The following ZSWIM5 variants were observed in gnomAD, a reference collection of about 807,000 sequenced individuals.
ZSWIM5 encodes the protein zinc finger SWIM-type containing 5.
Under a neutral mutation model 119.6 loss-of-function variants are expected in ZSWIM5, and 55 were observed. The observed-to-expected ratio is 0.46, with a 90% CI of 0.37 to 0.58. The LOEUF is 0.58. ZSWIM5 is among the 20% of genes least tolerant of loss of function. The pLI, the probability that ZSWIM5 is intolerant of heterozygous loss-of-function variation, is 0.00. For synonymous variants in ZSWIM5, 537 were observed against 606.9 expected, an observed-to-expected ratio of 0.88 and a Z score of 1.69; for missense variants, 1,193 against 1,512.8, an observed-to-expected ratio of 0.79 and a Z score of 3.51.
chr1:45,099,198 A>G (rs551940441), intron 1 of ZSWIM5, among the ~76,000 whole-genome samples: 2 of 152,322 alleles, frequency 1.3e-5, no homozygotes, highest in South Asian at 4.1e-4. Context: ...TAGACACAAT[A>G]AAGAATGATA....
intron 1 of ZSWIM5, among the ~76,000 whole-genome samples, chr1:45,150,384 A>G (rs1373321700): frequency 6.6e-6 from 1 of 152,122 alleles, no homozygotes; most frequent in Non-Finnish European, 1.5e-5. Flanking sequence ...CCCTTGTAAC[A>G]TTGCTAGTAG....
chr1:45,159,841 G>A (rs1570163589), intron 1 of ZSWIM5, among the ~76,000 whole-genome samples: 1 of 152,078 alleles, frequency 6.6e-6, no homozygotes, highest in Non-Finnish European at 1.5e-5. Context: ...TGCTCACCTT[G>A]GCCTCCCAAA....
intron 1 of ZSWIM5, among the ~76,000 whole-genome samples, chr1:45,158,978 T>C (rs915749435): frequency 1.3e-5 from 2 of 152,170 alleles, no homozygotes; most frequent in African/African-American, 4.8e-5. Context: ...ATAATTTATA[T>C]TAGGCTACCA....
intron 1 of ZSWIM5, among the ~76,000 whole-genome samples, chr1:45,116,803 A>T (rs1645561013): frequency 6.6e-6 from 1 of 152,240 alleles, no homozygotes; most frequent in Non-Finnish European, 1.5e-5. Context: ...CCGATTGGCA[A>T]CATAAAGAAT....
At chr1:45,084,607 C>T (rs1557760361) in intron 2 of ZSWIM5, among the ~76,000 whole-genome samples, 1 of 152,204 alleles carries the variant, frequency 6.6e-6, no homozygotes, top group South Asian at 2.1e-4. Flanking sequence ...GTAAATACAC[C>T]TACCATTTCA....
intron 1 of ZSWIM5, among the ~76,000 whole-genome samples, chr1:45,122,058 A>G (rs534565429): frequency 6.6e-6 from 1 of 152,314 alleles, no homozygotes; most frequent in African/African-American, 2.4e-5. Flanking sequence ...CCTATTATCT[A>G]TAGTACACAA....
intron 1 of ZSWIM5, among the ~76,000 whole-genome samples, chr1:45,101,049 C>T (rs555062857): frequency 1.1e-4 from 17 of 152,104 alleles, no homozygotes; most frequent in Non-Finnish European, 1.9e-4. Context: ...CAAATGGGAT[C>T]TAATTAAACT....
At chr1:45,035,876 C>A in intron 9 of ZSWIM5, 53 bp from the exon 10 acceptor site, 1 of 1,601,034 alleles carries the variant, frequency 6.2e-7, no homozygotes. Context: ...CATCTGCCAG[C>A]CTGGACTTGA....
intron 1 of ZSWIM5, among the ~76,000 whole-genome samples, chr1:45,114,803 T>C (rs1421241079): frequency 1.3e-5 from 2 of 152,228 alleles, no homozygotes; most frequent in Non-Finnish European, 2.9e-5. Flanking sequence ...CCTTCCGCAG[T>C]GTTTGTGTCC....
chr1:45,035,435 T>C (rs1644976887), intron 10 of ZSWIM5, among the ~76,000 whole-genome samples: 1 of 152,168 alleles, frequency 6.6e-6, no homozygotes, highest in African/African-American at 2.4e-5. Flanking sequence ...AAGTGCTCCT[T>C]ATTTATTAAC....
At chr1:45,147,078 C>T (rs944283610) in intron 1 of ZSWIM5, among the ~76,000 whole-genome samples, 3 of 142,248 alleles carry the variant, frequency 2.1e-5, no homozygotes, top group African/African-American at 7.7e-5. Context: ...GCATTATCAA[C>T]TTTTTTTTTT....
At chr1:45,179,952 G>A (rs1437246947) in intron 1 of ZSWIM5, among the ~76,000 whole-genome samples, 4 of 152,144 alleles carry the variant, frequency 2.6e-5, no homozygotes, top group Non-Finnish European at 5.9e-5. Flanking sequence ...ATAGGGAGGA[G>A]CCAAGATGGC....
chr1:45,202,940 T>A (rs1646166643), intron 1 of ZSWIM5, among the ~76,000 whole-genome samples: 3 of 152,008 alleles, frequency 2.0e-5, no homozygotes, highest in Admixed American at 2.0e-4. Flanking sequence ...TACTACTATA[T>A]CCATGGGCTT....
intron 1 of ZSWIM5, among the ~76,000 whole-genome samples, chr1:45,200,270 T>C (rs1646151083): frequency 6.6e-6 from 1 of 152,294 alleles, no homozygotes; most frequent in Non-Finnish European, 1.5e-5. Flanking sequence ...ATTTAGCGTA[T>C]AATCACATAA....
At chr1:45,125,491 A>C (rs553576540) in intron 1 of ZSWIM5, among the ~76,000 whole-genome samples, 3 of 151,140 alleles carry the variant, frequency 2.0e-5, no homozygotes, top group African/African-American at 7.3e-5. Flanking sequence ...ATCAAAAAAA[A>C]CAAAAAAAAA....
chr1:45,168,749 A>G (rs1326444933), intron 1 of ZSWIM5, among the ~76,000 whole-genome samples: 1 of 151,754 alleles, frequency 6.6e-6, no homozygotes, highest in Non-Finnish European at 1.5e-5. Context: ...AGTTTTGAAA[A>G]TAGGAAAATT....
intron 1 of ZSWIM5, among the ~76,000 whole-genome samples, chr1:45,186,224 G>A (rs2149051247): frequency 6.9e-6 from 1 of 145,586 alleles, no homozygotes; most frequent in East Asian, 2.0e-4. Context: ...ACACAGGAAG[G>A]GGAACATCAC....
intron 2 of ZSWIM5, among the ~76,000 whole-genome samples, chr1:45,060,662 G>A (rs1171753658): frequency 6.6e-6 from 1 of 152,010 alleles, no homozygotes; most frequent in Non-Finnish European, 1.5e-5. Flanking sequence ...TACATTCTTT[G>A]AACATGAAAA....
chr1:45,052,090 C>T (rs1486886140), intron 4 of ZSWIM5, among the ~76,000 whole-genome samples: 1 of 151,258 alleles, frequency 6.6e-6, no homozygotes, highest in African/African-American at 2.4e-5. Flanking sequence ...GCAACCTCCA[C>T]CTCCTGAGTT....
Sources: allele counts gnomAD v4.1 joint callset (sites outside exome capture counted in the v4.1 genomes callset), GRCh38; gene constraint gnomAD v4.1.1; transcripts MANE v1.5; gene names NCBI Gene and HGNC (gene_info 2026-07-23, HGNC 2026-07-21).